GABRA3: variants seen among roughly 807,000 people sequenced by gnomAD.
GABRA3 encodes the protein gamma-aminobutyric acid type A receptor subunit alpha3.
A neutral mutation model predicts 30.1 loss-of-function variants in GABRA3; 10 were observed. The ratio of observed to expected loss-of-function variants is 0.33; its 90% confidence interval spans 0.20 to 0.56. GABRA3 has a LOEUF of 0.56. Among genes scored for constraint, GABRA3 ranks in the 20% least tolerant of loss-of-function variants. The pLI, the probability that GABRA3 is intolerant of heterozygous loss-of-function variation, is 0.89. For synonymous variants in GABRA3, 151 were observed against 146.8 expected, an observed-to-expected ratio of 1.03 and a Z score of -0.21; for missense variants, 233 against 392.0, an observed-to-expected ratio of 0.59 and a Z score of 3.42.
At chrX:152,175,880 C>G (rs1249881346) in intron 9 of GABRA3, among the ~76,000 whole-genome samples, 1 of 109,337 alleles carries the variant, frequency 9.1e-6, no homozygotes, top group Non-Finnish European at 1.9e-5. Flanking sequence ...CTGGCTAACA[C>G]GGTGAAACCC....
chrX:152,247,414 T>C (rs1207768999), intron 5 of GABRA3, among the ~76,000 whole-genome samples: 1 of 111,147 alleles, frequency 9.0e-6, no homozygotes, highest in African/African-American at 3.3e-5. Context: ...TTATTTAAAA[T>C]TGATAGGCCA....
At chrX:152,337,296 C>G (rs1474398425) in intron 3 of GABRA3, among the ~76,000 whole-genome samples, 2 of 111,283 alleles carry the variant, frequency 1.8e-5, no homozygotes, top group Non-Finnish European at 3.8e-5. Flanking sequence ...TGTACTAACA[C>G]TAGGTCTTAT....
At chrX:152,176,697 T>A (rs777926134) in intron 9 of GABRA3, among the ~76,000 whole-genome samples, 3 of 111,109 alleles carry the variant, frequency 2.7e-5, no homozygotes, top group Non-Finnish European at 5.7e-5. Flanking sequence ...TTATCAGACA[T>A]CCCAATAGGA....
intron 2 of GABRA3, among the ~76,000 whole-genome samples, chrX:152,363,256 G>A (rs1246948609): frequency 8.9e-6 from 1 of 111,960 alleles, no homozygotes; most frequent in East Asian, 2.8e-4. Flanking sequence ...GTGTAGTATT[G>A]TGGAAAATAT....
At chrX:152,367,733 T>C (rs1010452174) in intron 1 of GABRA3, among the ~76,000 whole-genome samples, 7 of 111,364 alleles carry the variant, frequency 6.3e-5, no homozygotes, top group Non-Finnish European at 9.4e-5. Context: ...TTTTCAGATA[T>C]GAAGTTCAGA....
At chrX:152,281,427 T>C (rs983313742) in intron 4 of GABRA3, among the ~76,000 whole-genome samples, 7 of 112,085 alleles carry the variant, frequency 6.2e-5, no homozygotes, top group African/African-American at 2.3e-4. Flanking sequence ...TGATGCTTTG[T>C]GTGACCAGCA....
At chrX:152,176,546 A>C (rs1937077752) in intron 9 of GABRA3, among the ~76,000 whole-genome samples, 1 of 111,346 alleles carries the variant, frequency 9.0e-6, no homozygotes. Context: ...AAGAAAAATA[A>C]AAGAATTAAG....
intron 1 of GABRA3, among the ~76,000 whole-genome samples, chrX:152,404,210 T>C (rs745693031): frequency 1.8e-5 from 2 of 111,415 alleles, no homozygotes; most frequent in Non-Finnish European, 3.8e-5. Context: ...ATTTTCCCCA[T>C]TCCTCTCAAG....
chrX:152,272,643 A>G (rs5969881), intron 4 of GABRA3, among the ~76,000 whole-genome samples: 22,108 of 110,841 alleles, frequency 0.2, 2,421 homozygotes, highest in African/African-American at 0.42. Context: ...AGATTTGGGA[A>G]GGGCCAGGGG....
intron 1 of GABRA3, among the ~76,000 whole-genome samples, chrX:152,386,730 T>G (rs754613690): frequency 1.4e-4 from 15 of 110,386 alleles, no homozygotes; most frequent in East Asian, 2.9e-4. Flanking sequence ...ATTGTGGAAG[T>G]CAGTGTGGCG....
intron 7 of GABRA3, among the ~76,000 whole-genome samples, chrX:152,199,841 T>TAC (rs200133783): frequency 0.02 from 2,154 of 109,482 alleles, 70 homozygotes; most frequent in African/African-American, 0.067. Context: ...GTCTCACATT[T>TAC]ACACACACAC....
chrX:152,208,026 C>T lies in GABRA3; in HGVS notation c.753G>A (p.Gly251=). 8.3e-7 allele frequency: 1 copy of T among 1,211,373 alleles called. No homozygotes were observed. The highest frequency in any genetic ancestry group is 1.7e-5 in the African/African-American group (1 of 57,762). Residue 251 remains glycine (G), a synonymous_variant, in exon 7 of 10, where the codon GGG becomes GGA. Transcript: ENST00000370314. ...NQYDLLGHVV[G]TEIIRSSTGE... is the part of the protein sequence containing the mutation. ...CTGTACTAGACCGGATTATCTCTGTCCCAACAACATGGCCCAAAAGGTCAT... is the reference window on the plus strand; with the variant it reads ...CTGTACTAGACCGGATTATCTCTGTTCCAACAACATGGCCCAAAAGGTCAT...
At chrX:152,407,548 A>C (rs1929966122) in intron 1 of GABRA3, among the ~76,000 whole-genome samples, 2 of 112,164 alleles carry the variant, frequency 1.8e-5, no homozygotes, top group African/African-American at 3.2e-5. Flanking sequence ...AAAGCTGAAG[A>C]GATCAATAAA....
At chrX:152,192,095 A>G (rs918149408) in intron 8 of GABRA3, among the ~76,000 whole-genome samples, 6 of 112,249 alleles carry the variant, frequency 5.3e-5, no homozygotes, top group Admixed American at 9.5e-5. Context: ...GTATTGCAAC[A>G]TAAGTGTTTC....
At chrX:152,330,875 ATT>A (rs962446574) in intron 3 of GABRA3, among the ~76,000 whole-genome samples, 2 of 111,770 alleles carry the variant, frequency 1.8e-5, no homozygotes, top group African/African-American at 3.3e-5. Context: ...TTTCCTATGT[ATT>A]CATAATTAAT....
chrX:152,397,718 T>G (rs1929695458), intron 1 of GABRA3, among the ~76,000 whole-genome samples: 1 of 112,239 alleles, frequency 8.9e-6, no homozygotes, highest in Non-Finnish European at 1.9e-5. Flanking sequence ...CTTTTCTTTC[T>G]AATTTTCTTA....
At chrX:152,242,201 T>C (rs1938391426) in intron 5 of GABRA3, among the ~76,000 whole-genome samples, 1 of 111,590 alleles carries the variant, frequency 9.0e-6, no homozygotes, top group African/African-American at 3.3e-5. Context: ...CTTCAATAAA[T>C]GGTGTTGGGA....
intron 3 of GABRA3, among the ~76,000 whole-genome samples, chrX:152,288,261 G>A (rs1485179411): frequency 9.0e-6 from 1 of 111,725 alleles, no homozygotes; most frequent in East Asian, 2.8e-4. Flanking sequence ...CTAAGAAATC[G>A]GGCTGTCTTG....
intron 1 of GABRA3, among the ~76,000 whole-genome samples, chrX:152,445,278 C>T (rs1217396965): frequency 9.1e-6 from 1 of 109,821 alleles, no homozygotes; most frequent in East Asian, 2.8e-4. Context: ...CCTTCACATA[C>T]ATCTTCCCCC....
Sources: gnomAD v4.1 joint callset for allele counts (sites outside exome capture counted in the v4.1 genomes callset) on GRCh38, gnomAD v4.1.1 for gene constraint, MANE v1.5 for transcripts, NCBI Gene and HGNC (gene_info 2026-07-23, HGNC 2026-07-21) for gene names.